MCM9: variants seen among roughly 807,000 people sequenced by gnomAD.
The protein encoded by MCM9 is minichromosome maintenance 9 homologous recombination repair factor.
MCM9 carries 55 observed loss-of-function variants against 72.8 expected under a neutral mutation model. The observed-to-expected ratio is 0.76, with a 90% CI of 0.61 to 0.95. The LOEUF is 0.95. MCM9 is among the 40% of genes least tolerant of loss of function. The pLI is 0.00. For missense variants in MCM9, 1,279 were observed against 1,377.0 expected, an observed-to-expected ratio of 0.93 and a Z score of 1.13; for synonymous variants, 480 against 503.4, an observed-to-expected ratio of 0.95 and a Z score of 0.62.
chr6:118,913,193 T>C (rs546838712), intron 7 of MCM9, 102 bp downstream of exon 7: 960 of 1,343,298 alleles, frequency 7.1e-4, no homozygotes, highest in South Asian at 1.5e-3. Context: ...AAGATTACAA[T>C]TGGAAAATAA....
chr6:118,894,399 T>C, intron 8 of MCM9: 4 of 1,536,866 alleles, frequency 2.6e-6, no homozygotes, highest in Non-Finnish European at 3.5e-6. Context: ...CCATTGTTTG[T>C]GTTTTTTTCA....
chr6:118,892,254 T>C (rs931198385), intron 8 of MCM9, among the ~76,000 whole-genome samples: 1 of 152,188 alleles, frequency 6.6e-6, no homozygotes. Context: ...TCCAGTGAAA[T>C]GTTGGGGAGT....
chr6:118,826,819 G>A lies in MCM9; in HGVS notation c.1778C>T (p.Ala593Val), dbSNP rs763221589. The change falls in exon 12 of 14, where the codon GCT becomes GTT. Residue 593 changes from alanine (A) to valine (V), a missense_variant. Transcript: ENST00000619706. ...CTCCATGACTGACACCACCGTAATA[G>A]CGTCTTCCAGAGTTACAGTATCACG... is the stretch of plus-strand genomic sequence containing the variant. Reference protein sequence around the residue: ...MFRDTVTLEDAITVVSVMESS... With the variant: ...MFRDTVTLEDVITVVSVMESS... 13 of 1,550,414 alleles carry A rather than the reference G, an allele frequency of 8.4e-6. No individual in the cohort carries two copies. Among genetic ancestry groups the A allele is most frequent in the Non-Finnish European group, 9.6e-6 (11 of 1,146,922 alleles).
intron 13 of MCM9, among the ~76,000 whole-genome samples, chr6:118,821,055 G>A (rs1773770251): frequency 6.6e-6 from 1 of 152,118 alleles, no homozygotes; most frequent in Admixed American, 6.6e-5. Flanking sequence ...ACAGCACACT[G>A]ATGGGTCTTG....
chr6:118,915,286 A>G (rs923979278), intron 6 of MCM9, among the ~76,000 whole-genome samples: 1 of 152,040 alleles, frequency 6.6e-6, no homozygotes, highest in African/African-American at 2.4e-5. Context: ...CTCCCTCCCA[A>G]ATTTCTAGTT....
chr6:118,815,293 C>T lies in MCM9; in HGVS notation c.2963G>A (p.Gly988Asp). ...CTGCTGCGACACCTCCTTTGTCTCA[C>T]CCTGTGGCTGACTGGAGATCTGGTT... is the stretch of plus-strand genomic sequence containing the variant. ...PGNQISSQPQ[G>D]ETKEVSQQPP... is the part of the protein sequence containing the mutation. Residue 988 changes from glycine to aspartate, a missense_variant, in exon 14 of 14, where the codon GGT becomes GAT. Gly to Asp is a moderately conservative substitution (Grantham distance 94). Transcript: ENST00000619706. The T allele has an allele frequency of 3.2e-6, 5 of 1,550,678 alleles. No individual in the cohort carries two copies. The highest frequency in any genetic ancestry group is 4.4e-6 in the Non-Finnish European group (5 of 1,146,966).
chr6:118,917,489 T>G, intron 6 of MCM9, 72 bp downstream of exon 6: 1 of 1,434,768 alleles, frequency 7.0e-7, no homozygotes, highest in Non-Finnish European at 9.8e-7. Context: ...GACTGTCAAA[T>G]CACAGACATC....
intron 13 of MCM9, among the ~76,000 whole-genome samples, chr6:118,820,204 T>A (rs917923136): frequency 6.6e-6 from 1 of 152,176 alleles, no homozygotes; most frequent in African/African-American, 2.4e-5. Flanking sequence ...GTTCTTTTAA[T>A]TGTGATGTTA....
intron 4 of MCM9, among the ~76,000 whole-genome samples, chr6:118,923,564 CTTCT>C (rs1781612585): frequency 1.3e-5 from 2 of 152,196 alleles, no homozygotes; most frequent in Admixed American, 6.5e-5. Context: ...TAAATATTCA[CTTCT>C]TTAATTTTAA....
chr6:118,904,093 A>T (rs1173518213), intron 8 of MCM9, among the ~76,000 whole-genome samples: 3 of 135,346 alleles, frequency 2.2e-5, no homozygotes. Context: ...TTTAAAACCA[A>T]AGAGAAAGAA....
In MCM9 at chr6:118,923,789, T is replaced by C. The variant is rs774501873; in HGVS notation, c.621+22A>G. Reference sequence around the variant, plus strand: ...AAAAACACTTCTTCAAATTTATTTATCTCGTTTATGTGATTATTTACCTGT... The same window carrying C: ...AAAAACACTTCTTCAAATTTATTTACCTCGTTTATGTGATTATTTACCTGT... On this transcript the variant is annotated intron_variant, in intron 4 of 13. Transcript: ENST00000619706. 4.4e-6 allele frequency: 7 copies of C among 1,599,878 alleles called. No homozygotes were observed. The South Asian group carries it at 6.6e-5, about 15-fold the overall frequency.
intron 8 of MCM9, among the ~76,000 whole-genome samples, chr6:118,892,172 C>T (rs1778990048): frequency 6.6e-6 from 1 of 152,192 alleles, no homozygotes; most frequent in Non-Finnish European, 1.5e-5. Flanking sequence ...TGCTCAACGA[C>T]CCTTTAGTAT....
chr6:118,891,082 G>A (rs1011940544), intron 8 of MCM9, among the ~76,000 whole-genome samples: 3 of 152,148 alleles, frequency 2.0e-5, no homozygotes, highest in Admixed American at 6.5e-5. Flanking sequence ...CTTGTTTTGT[G>A]TATGACCTCA....
chr6:118,838,691 G>C (rs1254887845), intron 9 of MCM9, among the ~76,000 whole-genome samples: 2 of 152,226 alleles, frequency 1.3e-5, no homozygotes, highest in Non-Finnish European at 2.9e-5. Flanking sequence ...AAAGTGCTGG[G>C]ATTAGAGGCG....
chr6:118,895,255 C>T (rs1482880710), intron 8 of MCM9, among the ~76,000 whole-genome samples: 1 of 152,008 alleles, frequency 6.6e-6, no homozygotes, highest in African/African-American at 2.4e-5. Flanking sequence ...GGCCGGTCCT[C>T]CTCGGCCGGC....
intron 3 of MCM9, among the ~76,000 whole-genome samples, chr6:118,925,325 C>T (rs1240883630): frequency 6.6e-6 from 1 of 152,126 alleles, no homozygotes; most frequent in African/African-American, 2.4e-5. Flanking sequence ...GAAGGCCCAT[C>T]CATCAGATTG....
chr6:118,869,758 G>A (rs1330136840), intron 8 of MCM9, among the ~76,000 whole-genome samples: 1 of 152,020 alleles, frequency 6.6e-6, no homozygotes, highest in Non-Finnish European at 1.5e-5. Context: ...GCCTACAAGA[G>A]ACTCACTTTA....
chr6:118,868,277 A>G (rs1332558029), intron 8 of MCM9, among the ~76,000 whole-genome samples: 2 of 152,182 alleles, frequency 1.3e-5, no homozygotes, highest in Non-Finnish European at 2.9e-5. Context: ...ATGACATCAA[A>G]AATACAAAAT....
At chr6:118,903,524 T>TG (rs770203795) in intron 8 of MCM9, among the ~76,000 whole-genome samples, 133 of 151,666 alleles carry the variant, frequency 8.8e-4, no homozygotes, top group Non-Finnish European at 1.4e-3. Flanking sequence ...AAAATAAACA[T>TG]GTTTAGATCA....
Sources: allele counts gnomAD v4.1 joint callset (sites outside exome capture counted in the v4.1 genomes callset), GRCh38; gene constraint gnomAD v4.1.1; transcripts MANE v1.5; gene names NCBI Gene and HGNC (gene_info 2026-07-23, HGNC 2026-07-21).